Variants in NMU observed in about 807,000 individuals in gnomAD.
NMU encodes the protein neuromedin-U.
Under a neutral mutation model 35.4 loss-of-function variants are expected in NMU, and 29 were observed. The ratio of observed to expected loss-of-function variants is 0.82; its 90% CI spans 0.61 to 1.12. The LOEUF is 1.12. NMU is among the 50% of genes most tolerant of loss of function. The pLI, the probability that NMU is intolerant of heterozygous loss-of-function variation, is 0.00. For synonymous variants in NMU, 78 were observed against 81.3 expected, an observed-to-expected ratio of 0.96 and a Z score of 0.22; for missense variants, 199 against 206.2, an observed-to-expected ratio of 0.97 and a Z score of 0.21.
chr4:55,626,798 A>T (rs1011763062), intron 2 of NMU, among the ~76,000 whole-genome samples: 1 of 152,220 alleles, frequency 6.6e-6, no homozygotes, highest in Non-Finnish European at 1.5e-5. Context: ...TTTATTTTTA[A>T]TGTAATTTAA....
At chr4:55,616,240 GTTTTCAC>G in intron 3 of NMU, 91 bp downstream of exon 3, 1 of 844,246 alleles carries the variant, frequency 1.2e-6, no homozygotes, top group Non-Finnish European at 2.1e-6. Flanking sequence ...ACGTTGACAT[GTTTTCAC>G]GAACACATAA....
rs2110213226 is a variant in NMU at position 55,630,720 on chromosome 4, T to G, written c.113-260A>C. ...AGAAACACATCTCATGCTCATGAATTGGAAGAATGAATATTATGAAAATGA... is the reference window on the plus strand; with the variant it reads ...AGAAACACATCTCATGCTCATGAATGGGAAGAATGAATATTATGAAAATGA... On this transcript the variant is annotated intron_variant, in intron 1 of 9. Transcript: ENST00000264218. Among the ~76,000 whole-genome samples, 3 of 152,182 alleles carry G rather than the reference T, an allele frequency of 2.0e-5. No homozygotes were observed. In the East Asian group the frequency reaches 5.8e-4, roughly 29 times the overall value.
intron 8 of NMU, 102 bp downstream of exon 8, chr4:55,600,420 T>C (rs1055611672): frequency 4.9e-5 from 40 of 813,038 alleles, no homozygotes; most frequent in Non-Finnish European, 8.1e-5. Flanking sequence ...CAAACATCTA[T>C]AAACTTTAAA....
In NMU at chr4:55,595,297, A is replaced by T. The variant is rs1733119687; in HGVS notation, c.*119T>A. ...AACATTGTTACAACTGAGAACATTG[A>T]CAACACAGGGATTTTCAACAGAGTA... On this transcript the variant is annotated 3_prime_UTR_variant, in exon 10 of 10. Coordinates refer to ENST00000264218, the MANE Select transcript of NMU (RefSeq NM_006681.4). The T allele has an allele frequency of 6.6e-6, 1 of 152,548 alleles. No homozygotes were observed. The highest frequency in any genetic ancestry group is 1.9e-4 in the East Asian group (1 of 5,190). The allele number at this position is 152,548 out of a possible 1,614,324, so 9.4% of individuals were successfully genotyped here. A position where few individuals can be genotyped will look rare whatever the true frequency, so the allele number is the denominator to read the frequency against.
intron 2 of NMU, among the ~76,000 whole-genome samples, chr4:55,624,068 A>G (rs1274133949): frequency 3.5e-5 from 5 of 142,674 alleles, no homozygotes; most frequent in Non-Finnish European, 7.6e-5. Flanking sequence ...TAAAAACCCT[A>G]GAAGAAAACC....
At chr4:55,632,689 G>GT (rs1298658767) in intron 1 of NMU, among the ~76,000 whole-genome samples, 6 of 152,138 alleles carry the variant, frequency 3.9e-5, no homozygotes, top group Non-Finnish European at 7.4e-5. Flanking sequence ...ATGAGATTCT[G>GT]TTTGACACAG....
chr4:55,630,373 T>C, intron 2 of NMU, 29 bp downstream of exon 2: 5 of 1,552,374 alleles, frequency 3.2e-6, no homozygotes, highest in Non-Finnish European at 3.6e-6. Context: ...GTAAAGTTTC[T>C]ACAAATTTGT....
At chr4:55,616,109 G>A (rs762088818) in intron 3 of NMU, among the ~76,000 whole-genome samples, 4 of 152,042 alleles carry the variant, frequency 2.6e-5, no homozygotes, top group African/African-American at 7.2e-5. Context: ...TTAATTTGAC[G>A]TTACAAAATA....
intron 1 of NMU, among the ~76,000 whole-genome samples, chr4:55,634,327 G>A (rs189670574): frequency 1.3e-5 from 2 of 152,228 alleles, no homozygotes; most frequent in East Asian, 3.9e-4. Flanking sequence ...GTCTGAAGGG[G>A]AATGAAGACA....
At chr4:55,608,984 C>A in intron 4 of NMU, 136 bp downstream of exon 4, 2 of 716,142 alleles carry the variant, frequency 2.8e-6, no homozygotes, top group Non-Finnish European at 5.0e-6. Context: ...TGAAGTATTT[C>A]TTATCCAAAA....
At chr4:55,601,573 C>T (rs914211810) in intron 7 of NMU, among the ~76,000 whole-genome samples, 1 of 151,916 alleles carries the variant, frequency 6.6e-6, no homozygotes, top group Non-Finnish European at 1.5e-5. Context: ...CAAAATATCA[C>T]ATGTACCCCC....
chr4:55,603,589 G>C (rs1219077928), intron 7 of NMU, among the ~76,000 whole-genome samples: 1 of 151,838 alleles, frequency 6.6e-6, no homozygotes, highest in Non-Finnish European at 1.5e-5. Context: ...AAATTATAAT[G>C]TATTACAGCA....
rs767568542 is a variant in NMU, at chr4:55,604,679, A to ATTTTTTTTTTTTTTTT, written c.435+580_435+595dup. ...AGGCATGCGCCAATATGCCTGGCTA[A>ATTTTTTTTTTTTTTTT]TTTTTTTTTTTTTTTTTTTTTTTTT... is the stretch of plus-strand genomic sequence containing the variant. On this transcript the variant is annotated intron_variant, in intron 7 of 9. Coordinates refer to ENST00000264218, the MANE Select transcript of NMU (RefSeq NM_006681.4). 7.4e-3 allele frequency among the ~76,000 whole-genome samples: 350 copies of ATTTTTTTTTTTTTTTT among 47,612 alleles called. 5 individuals carry two copies. Among genetic ancestry groups the ATTTTTTTTTTTTTTTT allele is most frequent in the Non-Finnish European group, 8.0e-3 (250 of 31,274 alleles). 31.2% of individuals were successfully genotyped at this position (47,612 alleles called of 152,430 possible).
At chr4:55,605,574 C>G (rs145500011) in intron 6 of NMU, among the ~76,000 whole-genome samples, 88 of 152,278 alleles carry the variant, frequency 5.8e-4, no homozygotes, top group African/African-American at 2.0e-3. Flanking sequence ...GGATTTTTAT[C>G]CTCATATTGA....
chr4:55,601,635 A>T (rs1733429943), intron 7 of NMU, among the ~76,000 whole-genome samples: 1 of 152,186 alleles, frequency 6.6e-6, no homozygotes, highest in South Asian at 2.1e-4. Flanking sequence ...TAAAAGTTTA[A>T]GTTTTCAAAA....
At chr4:55,634,878 T>C (rs1215417232) in intron 1 of NMU, among the ~76,000 whole-genome samples, 1 of 149,254 alleles carries the variant, frequency 6.7e-6, no homozygotes, top group Non-Finnish European at 1.5e-5. Flanking sequence ...TCTCTTTCTG[T>C]CTCTCTCTCT....
At chr4:55,631,967 A>G (rs983974102) in intron 1 of NMU, among the ~76,000 whole-genome samples, 3 of 152,254 alleles carry the variant, frequency 2.0e-5, no homozygotes, top group African/African-American at 7.2e-5. Flanking sequence ...TATATACACC[A>G]TGGACTATCT....
chr4:55,627,619 A>G (rs535301388), intron 2 of NMU, among the ~76,000 whole-genome samples: 127 of 152,320 alleles, frequency 8.3e-4, no homozygotes, highest in African/African-American at 2.9e-3. Flanking sequence ...CTAAATACTT[A>G]CAGATTTTGT....
At chr4:55,628,221 T>G (rs1734610387) in intron 2 of NMU, among the ~76,000 whole-genome samples, 1 of 152,232 alleles carries the variant, frequency 6.6e-6, no homozygotes, top group African/African-American at 2.4e-5. Flanking sequence ...CCATTTAAAG[T>G]GTACAACTCA....
Sources: allele counts gnomAD v4.1 joint callset (sites outside exome capture counted in the v4.1 genomes callset), GRCh38; gene constraint gnomAD v4.1.1; transcripts MANE v1.5; gene names NCBI Gene and HGNC (gene_info 2026-07-23, HGNC 2026-07-21).